Variants in CYP2E1 observed in about 807,000 individuals in gnomAD.
CYP2E1 encodes the protein cytochrome P450 family 2 subfamily E member 1.
A neutral mutation model predicts 42.9 loss-of-function variants in CYP2E1; 31 were observed. The observed-to-expected ratio is 0.72, with a 90% CI of 0.54 to 0.98. The LOEUF (loss-of-function observed/expected upper bound fraction) is 0.98. CYP2E1 is among the 50% of genes least tolerant of loss of function. The pLI is 0.00. For synonymous variants in CYP2E1, 244 were observed against 248.9 expected, an observed-to-expected ratio of 0.98 and a Z score of 0.19; for missense variants, 565 against 633.2, an observed-to-expected ratio of 0.89 and a Z score of 1.16.
rs752341899 is a variant in CYP2E1, at chr10:133,538,960, C to T, written c.1478C>T (p.Ser493Leu). 17 of 1,609,764 alleles carry T rather than the reference C, an allele frequency of 1.1e-5. No homozygotes were observed. Among genetic ancestry groups the T allele is most frequent in the African/African-American group, 2.7e-5 (2 of 74,824 alleles). ...PRYKLCVIPR[S>L] The stretch of plus-strand genomic sequence containing the variant: ...TACAAACTCTGTGTCATTCCCCGCT[C>T]ATGAGTGTGTGGAGGACACCCTGAA... The change falls in exon 9 of 9, where the codon TCA becomes TTA. Residue 493 changes from serine to leucine, a missense_variant. Coordinates refer to ENST00000252945, the MANE Select transcript of CYP2E1 (RefSeq NM_000773.4).
intron 7 of CYP2E1, 127 bp downstream of exon 7, chr10:133,537,377 G>T: frequency 1.1e-6 from 1 of 907,730 alleles, no homozygotes; most frequent in Admixed American, 2.6e-5. Context: ...GGGAAGGGCT[G>T]GCCCCACTCC....
Position 133,532,853 on chromosome 10 carries a change from C to G in CYP2E1, c.810C>G (p.Leu270=). The change falls in exon 5 of 9, where the codon CTC becomes CTG. Residue 270 remains leucine, a synonymous_variant. Transcript: ENST00000252945. ...CCCGGGACCTCACCGACTGCCTGCT[C>G]GTGGAAATGGAGAAGGTAGGCTCGG... ...NCPRDLTDCL[L]VEMEKEKHSA... The G allele has an allele frequency of 1.9e-6, 3 of 1,604,666 alleles. No homozygotes were observed. The highest frequency in any genetic ancestry group is 2.5e-6 in the Non-Finnish European group (3 of 1,177,674).
At chr10:133,527,612 C>G (rs2133592178) in intron 1 of CYP2E1, 40 bp downstream of exon 1, 1 of 1,513,378 alleles carries the variant, frequency 6.6e-7, no homozygotes, top group Non-Finnish European at 9.1e-7. Flanking sequence ...AATAACTCAG[C>G]AATTGGATCT....
chr10:133,531,466 C>A, intron 2 of CYP2E1, 119 bp from the exon 3 acceptor site: 2 of 1,187,690 alleles, frequency 1.7e-6, no homozygotes, highest in Non-Finnish European at 2.5e-6. Flanking sequence ...GTCCCTCTGC[C>A]CCCTCTGTCA....
intron 2 of CYP2E1, among the ~76,000 whole-genome samples, chr10:133,530,650 C>T (rs561103304): frequency 6.6e-6 from 1 of 152,292 alleles, no homozygotes; most frequent in South Asian, 2.1e-4. Flanking sequence ...CCCTTGTTTA[C>T]CGCAGAATGC....
At chr10:133,528,752 G>A in intron 2 of CYP2E1, 112 bp downstream of exon 2, 2 of 1,333,366 alleles carry the variant, frequency 1.5e-6, no homozygotes, top group Middle Eastern at 2.6e-4. Flanking sequence ...TAATATTATA[G>A]TAACAGCATC....
chr10:133,532,929 G>C lies in CYP2E1; in HGVS notation c.825+61G>C, dbSNP rs58701467. On this transcript the variant is annotated intron_variant, in intron 5 of 8. Transcript: ENST00000252945. ...GGTGGGCAGAGAATGCACAATTTCAGATTTACAGAGTGAGCTGCACTTGCT... is the reference window on the plus strand; with the variant it reads ...GGTGGGCAGAGAATGCACAATTTCACATTTACAGAGTGAGCTGCACTTGCT... 4.8e-6 allele frequency: 7 copies of C among 1,464,706 alleles called. No individual in the cohort carries two copies. In the East Asian group the frequency reaches 7.1e-5, roughly 15 times the overall value. 90.7% of individuals were successfully genotyped at this position (1,464,706 alleles called of 1,614,324 possible).
At position 133,537,935 on chromosome 10, in the gene CYP2E1, C is replaced by T. The variant is rs754680728; in HGVS notation, c.1297+43C>T. On this transcript the variant is annotated intron_variant, in intron 8 of 8. Transcript: ENST00000252945. ...CAGTACCTTCCCTTGAGGAGCAGCC[C>T]ACACTCCTCATCTCCCCTCCACATG... The T allele has an allele frequency of 5.0e-6, 8 of 1,588,276 alleles. No homozygotes were observed. In the South Asian group the frequency reaches 6.9e-5, roughly 14 times the overall value.
intron 4 of CYP2E1, 47 bp downstream of exon 4, chr10:133,532,331 G>A (rs376604022): frequency 3.1e-5 from 49 of 1,567,824 alleles, no homozygotes; most frequent in African/African-American, 9.6e-5. Context: ...TAGAGTTTAC[G>A]TTAGAAAAAG....
At chr10:133,530,082 C>T (rs959935194) in intron 2 of CYP2E1, among the ~76,000 whole-genome samples, 25 of 152,208 alleles carry the variant, frequency 1.6e-4, no homozygotes, top group African/African-American at 5.8e-4. Context: ...CTCAAGGGGA[C>T]TTTGCTGCCT....
rs116846784 is a variant in CYP2E1 at position 133,534,651 on chromosome 10, T to G, written c.967+754T>G. Among the ~76,000 whole-genome samples, 496 of 152,314 alleles carry G rather than the reference T, an allele frequency of 3.3e-3. 16 individuals carry two copies. The East Asian group carries it at 0.077, about 24-fold the overall frequency. On this transcript the variant is annotated intron_variant, in intron 6 of 8. Coordinates refer to ENST00000252945, the MANE Select transcript of CYP2E1 (RefSeq NM_000773.4). ...GGGCTGGAAACAGGGCTGGGCAGCC[T>G]CTGCCCGAGGCAGTTCACAGCCTGA...
chr10:133,529,268 A>G (rs1052992300), intron 2 of CYP2E1, among the ~76,000 whole-genome samples: 1 of 152,062 alleles, frequency 6.6e-6, no homozygotes, highest in Non-Finnish European at 1.5e-5. Flanking sequence ...CTCTAGGGAG[A>G]GGAGGGTTGC....
intron 2 of CYP2E1, among the ~76,000 whole-genome samples, chr10:133,529,019 C>A (rs1376506746): frequency 6.6e-6 from 1 of 152,228 alleles, no homozygotes; most frequent in African/African-American, 2.4e-5. Context: ...GAGGTCCCCT[C>A]ACCCACGCTG....
Position 133,537,244 on chromosome 10 carries a change from C to G in CYP2E1, c.1149C>G (p.Ile383Met), listed in dbSNP as rs752179109. The G allele has an allele frequency of 3.2e-5, 51 of 1,613,486 alleles. No homozygotes were observed. Among genetic ancestry groups the G allele is most frequent in the Non-Finnish European group, 4.1e-5 (48 of 1,179,708 alleles). ...ACACCATTTTCAGAGGATACCTCAT[C>G]CCCAAGGTTAAGCAATGAGCCTGCA... is the stretch of plus-strand genomic sequence containing the variant. ...TRDTIFRGYL[I>M]PKGTVVVPTL... is the part of the protein sequence containing the mutation. The change falls in exon 7 of 9, where the codon ATC becomes ATG. Residue 383 changes from isoleucine to methionine, a missense_variant. By Grantham distance (10) the Ile-to-Met change is conservative. Coordinates refer to ENST00000252945, the MANE Select transcript of CYP2E1 (RefSeq NM_000773.4).
At chr10:133,537,332 C>A in intron 7 of CYP2E1, 82 bp downstream of exon 7, 1 of 1,420,544 alleles carries the variant, frequency 7.0e-7, no homozygotes, top group Non-Finnish European at 9.7e-7. Context: ...AGGATGGGGG[C>A]CCCAAGACCC....
intron 2 of CYP2E1, among the ~76,000 whole-genome samples, chr10:133,529,342 C>T (rs540288324): frequency 1.3e-5 from 2 of 152,318 alleles, no homozygotes; most frequent in East Asian, 1.9e-4. Context: ...CAGACCTCAG[C>T]GAGGCGGCGG....
intron 2 of CYP2E1, among the ~76,000 whole-genome samples, 160 bp from the exon 3 acceptor site, chr10:133,531,425 C>T (rs1261285728): frequency 1.3e-5 from 2 of 152,168 alleles, no homozygotes; most frequent in Non-Finnish European, 2.9e-5. Flanking sequence ...GTGCTGGCAG[C>T]TCCCAGGCTG....
chr10:133,532,928 A>G, intron 5 of CYP2E1, 60 bp downstream of exon 5: 1 of 1,464,044 alleles, frequency 6.8e-7, no homozygotes, highest in East Asian at 2.3e-5. Flanking sequence ...GCACAATTTC[A>G]GATTTACAGA....
Position 133,537,807 on chromosome 10 carries a change from TGATCCA to T in CYP2E1, c.1215_1220del (p.Asp405_Pro406del). On this transcript the variant is annotated inframe_deletion, in exon 8 of 9. Coordinates refer to ENST00000252945, the MANE Select transcript of CYP2E1 (RefSeq NM_000773.4). ...TTTTGTATGACAACCAAGAATTTCC[TGATCCA>T]GAAAAGTTTAAGCCAGAACACTTCC... 6.2e-7 allele frequency: 1 copy of T among 1,613,884 alleles called. No homozygotes were observed.
Sources: gnomAD v4.1 joint callset for allele counts (sites outside exome capture counted in the v4.1 genomes callset) on GRCh38, gnomAD v4.1.1 for gene constraint, MANE v1.5 for transcripts, NCBI Gene and HGNC (gene_info 2026-07-23, HGNC 2026-07-21) for gene names.